The following KAZN variants were observed in gnomAD, a reference collection of about 807,000 sequenced individuals.
KAZN encodes the protein kazrin.
A neutral mutation model predicts 87.4 loss-of-function variants in KAZN; 40 were observed. The observed-to-expected ratio is 0.46, with a 90% CI of 0.36 to 0.60. The LOEUF (loss-of-function observed/expected upper bound fraction) is 0.60. Among genes scored for constraint, KAZN ranks in the 20% least tolerant of loss-of-function variants. The pLI, the probability that KAZN is intolerant of heterozygous loss-of-function variation, is 0.00. For synonymous variants in KAZN, 466 were observed against 458.3 expected (o/e 1.02, Z -0.22); for missense variants, 898 against 1,073.9 (o/e 0.84, Z 2.29).
chr1:15,089,691 G>A (rs574969957), intron 8 of KAZN, among the ~76,000 whole-genome samples: 36 of 147,838 alleles, frequency 2.4e-4, no homozygotes, highest in Middle Eastern at 3.6e-3. Context: ...CAAGCCATAG[G>A]TGCGTCTGGA....
chr1:14,386,458 T>C (rs1571479628), intron 2 of KAZN, among the ~76,000 whole-genome samples: 1 of 152,144 alleles, frequency 6.6e-6, no homozygotes, highest in Non-Finnish European at 1.5e-5. Flanking sequence ...GTACCAGTTG[T>C]TCCTTTCCAT....
rs567387366 is a variant in KAZN, at chr1:15,046,019, C to T, written c.726+1860C>T. 4.0e-4 allele frequency among the ~76,000 whole-genome samples: 61 copies of T among 152,260 alleles called. 2 individuals are homozygous for T. The highest frequency in any genetic ancestry group is 1.2e-3 in the East Asian group (6 of 5,184). ...GAAAATGTTATTAAGAGAATCAGGC[C>T]GGACGTGGTGGCTCATGCCTGTAAT... On this transcript the variant is annotated intron_variant, in intron 4 of 14. Coordinates refer to ENST00000376030, the MANE Select transcript of KAZN (RefSeq NM_201628.3).
chr1:14,782,687 A>C (rs2100652496), intron 1 of KAZN, among the ~76,000 whole-genome samples: 1 of 152,242 alleles, frequency 6.6e-6, no homozygotes, highest in South Asian at 2.1e-4. Flanking sequence ...AATATACCTA[A>C]GTTTCTATGG....
At chr1:14,699,900 A>G (rs971640467) in intron 1 of KAZN, among the ~76,000 whole-genome samples, 2 of 152,126 alleles carry the variant, frequency 1.3e-5, no homozygotes, top group Non-Finnish European at 2.9e-5. Flanking sequence ...GAGCTGGCAT[A>G]ATGAGTTGGC....
chr1:14,491,871 T>C (rs1035539404), intron 2 of KAZN, among the ~76,000 whole-genome samples: 1 of 152,192 alleles, frequency 6.6e-6, no homozygotes, highest in East Asian at 1.9e-4. Flanking sequence ...ACCCCTGCTT[T>C]TAAAAAGAAA....
chr1:14,546,494 C>G (rs1673154751), intron 2 of KAZN, among the ~76,000 whole-genome samples: 1 of 151,646 alleles, frequency 6.6e-6, no homozygotes, highest in South Asian at 2.1e-4. Context: ...AGCCTTTCCC[C>G]AGTTCTAAAT....
Position 14,735,513 on chromosome 1 carries a change from T to G in KAZN, c.226+136290T>G, listed in dbSNP as rs1643874527. On this transcript the variant is annotated intron_variant, in intron 1 of 14. Coordinates refer to ENST00000376030, the MANE Select transcript of KAZN (RefSeq NM_201628.3). This position sits in a 1 kb window ranked among gnomAD's most constrained non-coding sequence, Gnocchi z 4.3. ...ACCACCCCCATACACAAAGCCTGAG[T>G]GTCAAAGCCTCGCTGGTAGCCAGGC... Among the ~76,000 whole-genome samples, 1 of 152,048 alleles carries G rather than the reference T, an allele frequency of 6.6e-6. No individual in the cohort carries two copies. Among genetic ancestry groups the G allele is most frequent in the Non-Finnish European group, 1.5e-5 (1 of 68,018 alleles).
intron 1 of KAZN, among the ~76,000 whole-genome samples, chr1:14,794,543 C>T (rs1050628229): frequency 3.3e-5 from 5 of 152,142 alleles, no homozygotes; most frequent in African/African-American, 9.7e-5. Flanking sequence ...TAGGAGGCAG[C>T]GGGGAGGCTG....
At chr1:14,045,542 T>C (rs1642028616) in intron 1 of KAZN, among the ~76,000 whole-genome samples, 1 of 152,178 alleles carries the variant, frequency 6.6e-6, no homozygotes, top group Non-Finnish European at 1.5e-5. Context: ...ATATCTACAA[T>C]TATTATTATC....
At chr1:14,630,597 G>A (rs1679492491) in intron 1 of KAZN, among the ~76,000 whole-genome samples, 1 of 152,200 alleles carries the variant, frequency 6.6e-6, no homozygotes, top group Non-Finnish European at 1.5e-5. Flanking sequence ...CATTGTGGGA[G>A]TTAAATGAGA....
In KAZN at chr1:14,410,689, G is replaced by A. The variant is rs143380151; in HGVS notation, c.250-188294G>A. ...AACTGTCCTTATGAGAGGGAAGTAGGGGAGATTTCATACAGACACACACAG... is the reference window on the plus strand; with the variant it reads ...AACTGTCCTTATGAGAGGGAAGTAGAGGAGATTTCATACAGACACACACAG... On this transcript the variant is annotated intron_variant, in intron 2 of 16. Coordinates refer to the KAZN transcript ENST00000636203. 2.2e-3 allele frequency among the ~76,000 whole-genome samples: 342 copies of A among 152,310 alleles called. 1 individual carries two copies. Among genetic ancestry groups the A allele is most frequent in the African/African-American group, 7.8e-3 (324 of 41,556 alleles).
chr1:14,059,422 A>C (rs570491884), intron 1 of KAZN, among the ~76,000 whole-genome samples: 1 of 152,370 alleles, frequency 6.6e-6, no homozygotes, highest in Non-Finnish European at 1.5e-5. Context: ...AGGAGAAGAA[A>C]GAAATATCCA....
At chr1:13,893,516 A>G (rs1222870640) in exon 1 of KAZN, 3 of 1,308,556 alleles carry the variant, frequency 2.3e-6, no homozygotes, top group South Asian at 3.2e-5. Flanking sequence ...AGGAAGAAAC[A>G]CTATAAACTT....
chr1:14,868,657 C>T (rs2101049307), intron 1 of KAZN, among the ~76,000 whole-genome samples: 1 of 151,854 alleles, frequency 6.6e-6, no homozygotes, highest in Non-Finnish European at 1.5e-5. Flanking sequence ...CTGCAGCTGT[C>T]TTCATCTCTG....
intron 2 of KAZN, among the ~76,000 whole-genome samples, chr1:14,208,856 T>G (rs1473707173): frequency 6.6e-6 from 1 of 152,198 alleles, no homozygotes; most frequent in Non-Finnish European, 1.5e-5. Context: ...AAGAGTTGCT[T>G]CTTCAATCAT....
intron 3 of KAZN, among the ~76,000 whole-genome samples, chr1:15,035,383 G>A (rs1261434189): frequency 6.6e-6 from 1 of 152,210 alleles, no homozygotes; most frequent in Non-Finnish European, 1.5e-5. Flanking sequence ...AGGAAGTTCT[G>A]CCTATAGGGA....
intron 1 of KAZN, among the ~76,000 whole-genome samples, chr1:14,760,275 C>G (rs900234079): frequency 3.9e-5 from 6 of 152,160 alleles, no homozygotes; most frequent in African/African-American, 1.2e-4. Flanking sequence ...AGAAACGCCC[C>G]CAAGATAGTA....
At chr1:14,853,691 G>C (rs1649734794) in intron 1 of KAZN, among the ~76,000 whole-genome samples, 1 of 152,196 alleles carries the variant, frequency 6.6e-6, no homozygotes, top group Admixed American at 6.5e-5. Context: ...CCAGGCTCCA[G>C]CTGTGTCTCT....
chr1:14,429,306 T>C (rs757064765), intron 2 of KAZN, among the ~76,000 whole-genome samples: 6 of 152,208 alleles, frequency 3.9e-5, no homozygotes, highest in Non-Finnish European at 8.8e-5. Flanking sequence ...AGGGCCCTAT[T>C]GGCAAAAACA....
Sources: allele counts gnomAD v4.1 joint callset (sites outside exome capture counted in the v4.1 genomes callset), GRCh38; gene constraint gnomAD v4.1.1; non-coding constraint Gnocchi (gnomAD v3.1); transcripts MANE v1.5; gene names NCBI Gene and HGNC (gene_info 2026-07-23, HGNC 2026-07-21).